The following ATP8B4 variants were observed in gnomAD, a reference collection of about 807,000 sequenced individuals.
ATP8B4 encodes ATPase phospholipid transporting 8B4 (putative).
In ATP8B4, 133 loss-of-function variants were observed where a neutral mutation model predicts 145.6. That is an observed-to-expected ratio of 0.91 (90% CI 0.79 to 1.05). ATP8B4 has a LOEUF of 1.05. ATP8B4 is among the 50% of genes least tolerant of loss of function. The pLI, the probability that ATP8B4 is intolerant of heterozygous loss-of-function variation, is 0.00. For missense variants in ATP8B4, 1,458 were observed against 1,425.2 expected (o/e 1.02, Z -0.37); for synonymous variants, 507 against 492.9 (o/e 1.03, Z -0.38).
intron 23 of ATP8B4, among the ~76,000 whole-genome samples, chr15:49,885,507 G>T (rs1406758727): frequency 6.6e-6 from 1 of 152,140 alleles, no homozygotes. Context: ...GCCATTGGTA[G>T]ATACTCTACA....
chr15:50,023,163 T>C (rs186780912), intron 6 of ATP8B4, among the ~76,000 whole-genome samples: 86 of 152,294 alleles, frequency 5.6e-4, no homozygotes, highest in African/African-American at 2.0e-3. Flanking sequence ...TGCTTTCTAG[T>C]GATCAAGGGG....
chr15:49,946,809 TGGAACACTG>T (rs772662252), intron 14 of ATP8B4, among the ~76,000 whole-genome samples: 1 of 152,174 alleles, frequency 6.6e-6, no homozygotes, highest in African/African-American at 2.4e-5. Context: ...GGGTTGTTCC[TGGAACACTG>T]GGAAGAACAC....
chr15:50,148,889 C>T (rs939976467), intron 1 of ATP8B4, among the ~76,000 whole-genome samples: 1 of 152,060 alleles, frequency 6.6e-6, no homozygotes, highest in African/African-American at 2.4e-5. Flanking sequence ...TTAAGTGATA[C>T]GTACTGAAAG....
intron 1 of ATP8B4, among the ~76,000 whole-genome samples, chr15:50,126,456 A>G (rs9920425): frequency 0.99 from 150,171 of 152,282 alleles, 74,078 homozygotes; most frequent in Non-Finnish European, 1. Flanking sequence ...TCCCAAGAGA[A>G]GGTTCCTGGA....
At chr15:50,067,612 A>G (rs1460555269) in intron 3 of ATP8B4, among the ~76,000 whole-genome samples, 2 of 152,128 alleles carry the variant, frequency 1.3e-5, no homozygotes, top group Non-Finnish European at 2.9e-5. Flanking sequence ...ACCTATTATT[A>G]GTTTCATTCT....
At position 49,923,475 on chromosome 15, in the gene ATP8B4, C is replaced by A; in HGVS notation, c.1662G>T (p.Gln554His). 1 of 1,606,958 alleles carries A rather than the reference C, an allele frequency of 6.2e-7. No individual in the cohort carries two copies. The highest frequency in any genetic ancestry group is 8.5e-7 in the Non-Finnish European group (1 of 1,177,598). Residue 554 changes from glutamine to histidine, a missense_variant, in exon 17 of 28, where the codon CAG becomes CAT. Physicochemically the swap from Gln to His is conservative, Grantham distance 24. Coordinates refer to ENST00000284509, the MANE Select transcript of ATP8B4 (RefSeq NM_024837.4). Reference sequence around the variant, plus strand: ...CTGCTCCTTTGGAATAAAGCTTTATCTGTCCTTCTGGGTTTCGAACTGAAA... The same window carrying A: ...CTGCTCCTTTGGAATAAAGCTTTATATGTCCTTCTGGGTTTCGAACTGAAA... ...MSVIVRNPEG[Q>H]IKLYSKGADT...
chr15:50,122,347 G>A (rs1261125568), upstream of ATP8B4, among the ~76,000 whole-genome samples: 1 of 152,158 alleles, frequency 6.6e-6, no homozygotes, highest in Non-Finnish European at 1.5e-5. Flanking sequence ...TCAGCTGCTG[G>A]AAGGAATCAG....
At chr15:50,051,627 G>A (rs2052193218) in intron 3 of ATP8B4, among the ~76,000 whole-genome samples, 1 of 152,204 alleles carries the variant, frequency 6.6e-6, no homozygotes, top group Admixed American at 6.5e-5. Context: ...CTAAAGAAAG[G>A]ATTTGGAGAA....
chr15:49,925,275 T>C (rs1021076709), intron 16 of ATP8B4, among the ~76,000 whole-genome samples: 4 of 152,116 alleles, frequency 2.6e-5, no homozygotes, highest in African/African-American at 9.7e-5. Context: ...AGTTTGGAGA[T>C]TGGCATTATT....
chr15:50,147,303 C>T (rs906372573), intron 1 of ATP8B4, among the ~76,000 whole-genome samples: 1 of 151,706 alleles, frequency 6.6e-6, no homozygotes, highest in African/African-American at 2.4e-5. Context: ...GTAATCCCAG[C>T]TACTCAGGAG....
chr15:49,961,898 C>G (rs958930035), intron 14 of ATP8B4, 79 bp downstream of exon 14: 12 of 1,207,674 alleles, frequency 9.9e-6, no homozygotes, highest in African/African-American at 1.6e-5. Context: ...GAAATCAGGA[C>G]ACTAAAAGTT....
chr15:49,924,092 C>T (rs1377306324), intron 16 of ATP8B4, among the ~76,000 whole-genome samples: 2 of 151,918 alleles, frequency 1.3e-5, no homozygotes, highest in Non-Finnish European at 2.9e-5. Flanking sequence ...ATAAAGTTTC[C>T]ACCTCATTCC....
chr15:49,876,150 A>G, intron 25 of ATP8B4, 128 bp downstream of exon 25: 1 of 1,272,608 alleles, frequency 7.9e-7, no homozygotes. Flanking sequence ...CAAAATGTGT[A>G]CTTAAAAGGA....
chr15:49,861,068 G>GGTTTGCTGTACT (rs1474505088), intron 27 of ATP8B4, among the ~76,000 whole-genome samples: 3 of 93,414 alleles, frequency 3.2e-5, no homozygotes, highest in African/African-American at 1.1e-4. Flanking sequence ...AAAGACCTGA[G>GGTTTGCTGTACT]GTTTGCTGTA....
Position 50,087,334 on chromosome 15 carries a change from T to TGTATAATAG in ATP8B4, c.29-13150_29-13149insCTATTATAC, listed in dbSNP as rs1156785712. On this transcript the variant is annotated intron_variant, in intron 2 of 27. Coordinates refer to ENST00000284509, the MANE Select transcript of ATP8B4 (RefSeq NM_024837.4). ...TATAATAGATATAGATCTATATTTA[T>TGTATAATAG]ATATAATATAGATCTATATATTATA... 0.01 allele frequency among the ~76,000 whole-genome samples: 292 copies of TGTATAATAG among 28,982 alleles called. No homozygotes were observed. In the African/African-American group the frequency reaches 0.11, roughly 11 times the overall value. The allele number at this position is 28,982 out of a possible 152,430, so 19.0% of individuals were successfully genotyped here.
chr15:49,985,030 T>C (rs188457688), intron 10 of ATP8B4, among the ~76,000 whole-genome samples: 7 of 152,308 alleles, frequency 4.6e-5, no homozygotes, highest in Middle Eastern at 6.8e-3. Flanking sequence ...TCTATATTCA[T>C]TGCACAATTC....
At chr15:50,109,626 T>C (rs938157122) in intron 1 of ATP8B4, among the ~76,000 whole-genome samples, 1 of 149,976 alleles carries the variant, frequency 6.7e-6, no homozygotes, top group African/African-American at 2.5e-5. Context: ...GAAGAACAAT[T>C]CTTCAAGCAA....
intron 10 of ATP8B4, among the ~76,000 whole-genome samples, chr15:49,985,858 G>A (rs561460306): frequency 6.6e-6 from 1 of 152,042 alleles, no homozygotes; most frequent in Non-Finnish European, 1.5e-5. Flanking sequence ...TGACCCTAAT[G>A]TACTCATTAT....
chr15:50,007,703 G>A (rs2048412949), intron 7 of ATP8B4, among the ~76,000 whole-genome samples: 1 of 152,118 alleles, frequency 6.6e-6, no homozygotes, highest in Non-Finnish European at 1.5e-5. Flanking sequence ...TCAGGGGCCT[G>A]TAAGTTTTGC....
Sources: allele counts gnomAD v4.1 joint callset (sites outside exome capture counted in the v4.1 genomes callset), GRCh38; gene constraint gnomAD v4.1.1; transcripts MANE v1.5; gene names NCBI Gene and HGNC (gene_info 2026-07-23, HGNC 2026-07-21).